The following URGCP variants were observed in gnomAD, a reference collection of about 807,000 sequenced individuals.
URGCP encodes up-regulator of cell proliferation.
In URGCP, 13 loss-of-function variants were observed where a neutral mutation model predicts 24.6. The observed-to-expected ratio is 0.53, with a 90% confidence interval of 0.34 to 0.84. The LOEUF (loss-of-function observed/expected upper bound fraction) is 0.84. URGCP is among the 40% of genes least tolerant of loss of function. The pLI, the probability that URGCP is intolerant of heterozygous loss-of-function variation, is 0.01. For synonymous variants in URGCP, 444 were observed against 487.2 expected (o/e 0.91, Z 1.17); for missense variants, 899 against 1,194.3 (o/e 0.75, Z 3.64).
intron 3 of URGCP, among the ~76,000 whole-genome samples, chr7:43,886,076 T>C (rs2132665212): frequency 6.6e-6 from 1 of 152,366 alleles, no homozygotes. Context: ...TCATTTACTA[T>C]TGTTTACAAT....
chr7:43,906,266 A>C, intron 1 of URGCP: 1 of 155,298 alleles, frequency 6.4e-6, no homozygotes, highest in Non-Finnish European at 1.4e-5. Context: ...CGCCCCGGGC[A>C]CCTCCGGGCC....
intron 1 of URGCP, chr7:43,919,899 TG>T: frequency 7.7e-7 from 1 of 1,305,366 alleles, no homozygotes; most frequent in Non-Finnish European, 1.1e-6. Context: ...GCTGCGGAAG[TG>T]GGAGGCCTTC....
intron 1 of URGCP, among the ~76,000 whole-genome samples, chr7:43,901,155 T>A (rs922409892): frequency 2.0e-5 from 3 of 152,220 alleles, no homozygotes; most frequent in Admixed American, 6.5e-5. Context: ...GAATAGGGCC[T>A]GACAGCACAC....
Position 43,918,236 on chromosome 7 carries a change from T to C in URGCP, c.-116+7896A>G, listed in dbSNP as rs144910328. On this transcript the variant is annotated intron_variant, in intron 1 of 5. Transcript: ENST00000426198. ...TTTCAGTGAGTGGAGATCACACTGC[T>C]GCACTCCAGCCTGGGCAATAGACCT... 2.5e-4 allele frequency among the ~76,000 whole-genome samples: 36 copies of C among 142,530 alleles called. 1 individual carries two copies. The East Asian group carries it at 7.3e-3, about 29-fold the overall frequency. 93.5% of individuals were successfully genotyped at this position (142,530 alleles called of 152,430 possible). A position where few individuals can be genotyped will look rare whatever the true frequency, so the allele number is the denominator to read the frequency against.
intron 1 of URGCP, among the ~76,000 whole-genome samples, chr7:43,903,733 C>A (rs1421238230): frequency 6.6e-6 from 1 of 152,120 alleles, no homozygotes; most frequent in Non-Finnish European, 1.5e-5. Context: ...ATGCTGCATA[C>A]AATTTCAGAG....
At position 43,876,779 on chromosome 7, in the gene URGCP, T is replaced by C. The variant is rs2095845089; in HGVS notation, c.2684A>G (p.Tyr895Cys). The change falls in exon 6 of 6, where the codon TAC (tyrosine) becomes TGC (cysteine). Residue 895 changes from tyrosine to cysteine, a missense_variant. Tyr to Cys is a radical substitution (Grantham distance 194). Coordinates refer to ENST00000453200, the MANE Select transcript of URGCP (RefSeq NM_001077663.3). ...APPMAAVSLAYSEAIFELKRC... is the reference protein window; with the variant it reads ...APPMAAVSLACSEAIFELKRC... ...CTTCAATTCAAATATGGCTTCACTG[T>C]AGGCCAAGCTCACTGCGGCCATGGG... The C allele has an allele frequency of 1.3e-5, 21 of 1,614,134 alleles. No individual in the cohort carries two copies. The highest frequency in any genetic ancestry group is 1.8e-5 in the Non-Finnish European group (21 of 1,180,056).
At chr7:43,908,855 T>G (rs2095907025), upstream of URGCP, among the ~76,000 whole-genome samples, 1 of 152,182 alleles carries the variant, frequency 6.6e-6, no homozygotes, top group African/African-American at 2.4e-5. Context: ...TTTCTTCAAT[T>G]AATCTGCTTT....
upstream of URGCP, among the ~76,000 whole-genome samples, chr7:43,908,205 G>A (rs1415528230): frequency 1.3e-5 from 2 of 152,096 alleles, no homozygotes; most frequent in African/African-American, 2.4e-5. Flanking sequence ...CAGCCTCCCA[G>A]TAGCTGGGAC....
intron 3 of URGCP, among the ~76,000 whole-genome samples, chr7:43,882,972 T>C (rs964646940): frequency 6.6e-6 from 1 of 152,102 alleles, no homozygotes; most frequent in African/African-American, 2.4e-5. Flanking sequence ...TCACTTAAAA[T>C]TGAAATGTAC....
chr7:43,876,529 C>G lies in URGCP; in HGVS notation c.*138G>C. ...TAACACTGTTGAGGAGACTCCAAAC[C>G]CTGTCTTTTCCTCGTCTTCTCATGT... On this transcript the variant is annotated 3_prime_UTR_variant, in exon 6 of 6. Transcript: ENST00000453200. 1 of 928,588 alleles carries G rather than the reference C, an allele frequency of 1.1e-6. No individual in the cohort carries two copies. The highest frequency in any genetic ancestry group is 1.6e-6 in the Non-Finnish European group (1 of 610,846). The allele number at this position is 928,588 out of a possible 1,614,324, so 57.5% of individuals were successfully genotyped here.
chr7:43,901,710 T>TAG (rs1256340070), intron 1 of URGCP, among the ~76,000 whole-genome samples: 2 of 152,154 alleles, frequency 1.3e-5, no homozygotes, highest in Non-Finnish European at 2.9e-5. Flanking sequence ...TCACCCAGTG[T>TAG]AGAGGGCCTG....
chr7:43,887,885 G>A, intron 1 of URGCP, 69 bp from the exon 2 acceptor site: 2 of 1,020,442 alleles, frequency 2.0e-6, no homozygotes, highest in Non-Finnish European at 2.9e-6. Flanking sequence ...GCGAAAAACT[G>A]ATGCCTTTTA....
At chr7:43,891,059 A>G (rs1224846409) in intron 1 of URGCP, among the ~76,000 whole-genome samples, 1 of 152,200 alleles carries the variant, frequency 6.6e-6, no homozygotes, top group East Asian at 1.9e-4. Context: ...GATTTAGCAG[A>G]CCTGGGTGTT....
At chr7:43,901,677 A>G (rs1045338213) in intron 1 of URGCP, among the ~76,000 whole-genome samples, 1 of 152,088 alleles carries the variant, frequency 6.6e-6, no homozygotes, top group Non-Finnish European at 1.5e-5. Context: ...CCCTTCCCCC[A>G]GTGTGGCCAG....
intron 1 of URGCP, among the ~76,000 whole-genome samples, chr7:43,916,253 G>A (rs2095915330): frequency 6.6e-6 from 1 of 152,084 alleles, no homozygotes. Context: ...CCAATAACAT[G>A]GCCCTGCAAG....
Position 43,920,038 on chromosome 7 carries a change from C to T in URGCP, c.-116+6094G>A, listed in dbSNP as rs921271185. The T allele has an allele frequency of 1.6e-5, 21 of 1,314,384 alleles. No homozygotes were observed. The Admixed American group carries it at 3.5e-4, about 22-fold the overall frequency. 81.4% of individuals were successfully genotyped at this position (1,314,384 alleles called of 1,614,324 possible). On this transcript the variant is annotated intron_variant, in intron 1 of 5. Coordinates refer to the URGCP transcript ENST00000426198. ...TGGCCACATGGCCAGACTACATCTC[C>T]TGGGGCACCCAGGAGCAGTGAGTCC... is the stretch of plus-strand genomic sequence containing the variant.
At chr7:43,909,090 T>C (rs1358353224), upstream of URGCP, among the ~76,000 whole-genome samples, 1 of 152,188 alleles carries the variant, frequency 6.6e-6, no homozygotes, top group Non-Finnish European at 1.5e-5. Context: ...AATGATTATT[T>C]CCTTATGCCA....
intron 1 of URGCP, among the ~76,000 whole-genome samples, chr7:43,896,645 C>G (rs892081738): frequency 6.6e-6 from 1 of 151,994 alleles, no homozygotes; most frequent in East Asian, 1.9e-4. Context: ...TAAAACACAG[C>G]CTTAATTCTC....
At chr7:43,887,989 A>G in intron 1 of URGCP, 173 bp from the exon 2 acceptor site, 2 of 582,710 alleles carry the variant, frequency 3.4e-6, no homozygotes, top group Non-Finnish European at 6.1e-6. Context: ...ATGCTGGATG[A>G]GATATTAGGG....
Sources: gnomAD v4.1 joint callset for allele counts (sites outside exome capture counted in the v4.1 genomes callset) on GRCh38, gnomAD v4.1.1 for gene constraint, MANE v1.5 for transcripts, NCBI Gene and HGNC (gene_info 2026-07-23, HGNC 2026-07-21) for gene names.